SLC7A11: variants seen among roughly 807,000 people sequenced by gnomAD.
SLC7A11 encodes the protein cystine/glutamate transporter.
SLC7A11 carries 35 observed loss-of-function variants against 54.5 expected under a neutral mutation model. That is an observed-to-expected ratio of 0.64 (90% CI 0.49 to 0.85). The LOEUF is 0.85. Ranked by LOEUF, SLC7A11 falls within the 40% of genes least tolerant of loss-of-function variation. The pLI is 0.00. For missense variants in SLC7A11, 583 were observed against 618.1 expected (o/e 0.94, Z 0.60); for synonymous variants, 230 against 225.2 (o/e 1.02, Z -0.19).
chr4:138,172,147 ATTAT>A (rs1736442259), intron 11 of SLC7A11, 130 bp from the exon 12 acceptor site: 1 of 911,430 alleles, frequency 1.1e-6, no homozygotes, highest in Non-Finnish European at 1.5e-6. Flanking sequence ...ACTTTCAAGA[ATTAT>A]TTACTTCATT....
chr4:138,193,314 G>A (rs1289264558), intron 6 of SLC7A11, among the ~76,000 whole-genome samples: 1 of 152,094 alleles, frequency 6.6e-6, no homozygotes, highest in Non-Finnish European at 1.5e-5. Flanking sequence ...TAAGCAATGG[G>A]ATTATAGACT....
intron 6 of SLC7A11, among the ~76,000 whole-genome samples, chr4:138,204,196 C>A (rs1737354054): frequency 6.6e-6 from 1 of 152,100 alleles, no homozygotes; most frequent in African/African-American, 2.4e-5. Flanking sequence ...AGAGTATGAG[C>A]TCTAGAACCA....
chr4:138,216,501 C>G (rs1297230547), intron 5 of SLC7A11, among the ~76,000 whole-genome samples: 1 of 152,120 alleles, frequency 6.6e-6, no homozygotes, highest in Non-Finnish European at 1.5e-5. Context: ...CAGACATTGG[C>G]AATGTTATTA....
At chr4:138,191,879 T>C (rs1737020692) in intron 6 of SLC7A11, among the ~76,000 whole-genome samples, 1 of 152,092 alleles carries the variant, frequency 6.6e-6, no homozygotes, top group African/African-American at 2.4e-5. Flanking sequence ...CACAAACATA[T>C]TTGTAGGGAA....
chr4:138,235,761 C>T lies in SLC7A11; in HGVS notation c.404+564G>A, dbSNP rs139568133. The stretch of plus-strand genomic sequence containing the variant: ...CAGGAATGTAAACACATTGTTACAA[C>T]AATAAAATCAAAAAAGACTTTTGGA... On this transcript the variant is annotated intron_variant, in intron 2 of 11. Transcript: ENST00000280612. Among the ~76,000 whole-genome samples the T allele has an allele frequency of 2.9e-3, 447 of 152,186 alleles. 1 individual carries two copies. Among genetic ancestry groups the T allele is most frequent in the Non-Finnish European group, 5.3e-3 (361 of 67,978 alleles).
At chr4:138,204,680 A>G (rs1737363886) in intron 6 of SLC7A11, among the ~76,000 whole-genome samples, 1 of 151,938 alleles carries the variant, frequency 6.6e-6, no homozygotes, top group African/African-American at 2.4e-5. Context: ...CAACCAGCCA[A>G]CAGTGACGAT....
chr4:138,194,070 G>A (rs1457917779), intron 6 of SLC7A11, among the ~76,000 whole-genome samples: 1 of 152,064 alleles, frequency 6.6e-6, no homozygotes, highest in African/African-American at 2.4e-5. Context: ...AGGCCACAGA[G>A]GACATGACAT....
intron 7 of SLC7A11, 74 bp from the exon 8 acceptor site, chr4:138,183,379 C>T: frequency 1.0e-6 from 1 of 966,632 alleles, no homozygotes; most frequent in Non-Finnish European, 1.6e-6. Flanking sequence ...TTAGGCCAAA[C>T]TTGCTCTATG....
At chr4:138,229,362 C>G (rs541945719) in intron 3 of SLC7A11, among the ~76,000 whole-genome samples, 2 of 152,252 alleles carry the variant, frequency 1.3e-5, no homozygotes, top group South Asian at 4.2e-4. Context: ...TTTGACTTTC[C>G]CAATTAGGGC....
At chr4:138,231,243 T>C (rs959691267) in intron 3 of SLC7A11, among the ~76,000 whole-genome samples, 6 of 152,128 alleles carry the variant, frequency 3.9e-5, no homozygotes, top group Admixed American at 3.3e-4. Flanking sequence ...CGATGTACAC[T>C]ATTTGGGTGA....
At chr4:138,186,102 G>A (rs769021436) in intron 6 of SLC7A11, among the ~76,000 whole-genome samples, 11 of 152,110 alleles carry the variant, frequency 7.2e-5, no homozygotes, top group Admixed American at 2.0e-4. Flanking sequence ...AATGCACTGG[G>A]AAAGCCAGGA....
chr4:138,224,243 A>T (rs1261559560), intron 3 of SLC7A11, among the ~76,000 whole-genome samples: 2 of 151,978 alleles, frequency 1.3e-5, no homozygotes, highest in Non-Finnish European at 2.9e-5. Flanking sequence ...TTTCTCCCCT[A>T]CTCTGCTGGG....
Position 138,223,217 on chromosome 4 carries a change from C to A in SLC7A11, c.628G>T (p.Val210Phe). The A allele has an allele frequency of 6.2e-7, 1 of 1,613,450 alleles. No individual in the cohort carries two copies. The highest frequency in any genetic ancestry group is 8.5e-7 in the Non-Finnish European group (1 of 1,179,468). ...TAILIIIVPG[V>F]MQLIKGQTQN... is the part of the protein sequence containing the mutation. ...TCCATACCTTTAATTAGCTGCATAA[C>A]TCCAGGGACTATAATTATCAGAATT... Residue 210 changes from valine (V) to phenylalanine (F), a missense_variant, in exon 4 of 12, where the codon GTT becomes TTT. Val to Phe is a conservative substitution (Grantham distance 50). Coordinates refer to ENST00000280612, the MANE Select transcript of SLC7A11 (RefSeq NM_014331.4).
At chr4:138,213,286 G>C (rs1737596023) in intron 6 of SLC7A11, among the ~76,000 whole-genome samples, 2 of 152,118 alleles carry the variant, frequency 1.3e-5, no homozygotes, top group African/African-American at 4.8e-5. Context: ...GATTTGCATA[G>C]CAGTTGAATC....
In SLC7A11 at chr4:138,206,381, T is replaced by TTTTATATA. The variant is rs1553943786; in HGVS notation, c.791+8203_791+8204insTATATAAA. ...CTCAAAATATAAAACTCAATGAGAT[T>TTTTATATA]TATATATATATATATATATAGCCTC... On this transcript the variant is annotated intron_variant, in intron 6 of 11. Coordinates refer to ENST00000280612, the MANE Select transcript of SLC7A11 (RefSeq NM_014331.4). Among the ~76,000 whole-genome samples the TTTTATATA allele has an allele frequency of 1.8e-3, 255 of 145,252 alleles. 1 individual carries two copies. The highest frequency in any genetic ancestry group is 5.8e-3 in the African/African-American group (233 of 39,856).
Position 138,165,050 on chromosome 4 carries a change from A to C in SLC7A11, c.*6906T>G, listed in dbSNP as rs1360003177. ...CAGAATATGAAAAATATTTAAATAC[A>C]TTCATAGATAGTACCTAATAATATG... On this transcript the variant is annotated 3_prime_UTR_variant, in exon 12 of 12. Coordinates refer to ENST00000280612, the MANE Select transcript of SLC7A11 (RefSeq NM_014331.4). 1.3e-5 allele frequency: 2 copies of C among 152,428 alleles called. No individual in the cohort carries two copies. Among genetic ancestry groups the C allele is most frequent in the African/African-American group, 4.8e-5 (2 of 41,440 alleles). 9.4% of individuals were successfully genotyped at this position (152,428 alleles called of 1,614,324 possible).
intron 9 of SLC7A11, 137 bp downstream of exon 9, chr4:138,182,160 C>G: frequency 1.7e-6 from 1 of 575,860 alleles, no homozygotes; most frequent in Admixed American, 3.0e-5. Context: ...GGAAGATATC[C>G]TGCCTCCCAA....
chr4:138,233,454 G>T (rs1252619623), intron 2 of SLC7A11, among the ~76,000 whole-genome samples: 1 of 152,076 alleles, frequency 6.6e-6, no homozygotes, highest in Non-Finnish European at 1.5e-5. Flanking sequence ...AAACTGCTGG[G>T]ATTACAGGCG....
intron 5 of SLC7A11, among the ~76,000 whole-genome samples, chr4:138,215,351 C>A (rs115375058): frequency 1.3e-5 from 2 of 151,978 alleles, no homozygotes; most frequent in African/African-American, 4.8e-5. Flanking sequence ...TCTCTAAAAT[C>A]GAAAATCAAG....
Sources: gnomAD v4.1 joint callset for allele counts (sites outside exome capture counted in the v4.1 genomes callset) on GRCh38, gnomAD v4.1.1 for gene constraint, MANE v1.5 for transcripts, NCBI Gene and HGNC (gene_info 2026-07-23, HGNC 2026-07-21) for gene names.